SYNE1: variants seen among roughly 807,000 people sequenced by gnomAD.
The protein encoded by SYNE1 is nesprin-1.
Under a neutral mutation model 1,111.0 loss-of-function variants are expected in SYNE1, and 616 were observed. That is an observed-to-expected ratio of 0.55 (90% confidence interval 0.52 to 0.59). The LOEUF (loss-of-function observed/expected upper bound fraction) is 0.59, where lower values mean the gene tolerates loss of function less well. Ranked by LOEUF, SYNE1 falls within the 20% of genes least tolerant of loss-of-function variation. SYNE1 has a pLI of 0.00. For missense variants in SYNE1, 10,006 were observed against 10,417.0 expected, an observed-to-expected ratio of 0.96 and a Z score of 1.72; for synonymous variants, 3,855 against 3,825.8, an observed-to-expected ratio of 1.01 and a Z score of -0.28.
chr6:152,318,041 C>A, intron 86 of SYNE1, 40 bp downstream of exon 86: 6 of 1,612,810 alleles, frequency 3.7e-6, no homozygotes, highest in Non-Finnish European at 5.1e-6. Context: ...ATGGAAGTTT[C>A]TGCCTTACAC....
chr6:152,407,245 G>T, intron 44 of SYNE1, 49 bp from the exon 45 acceptor site: 1 of 1,576,206 alleles, frequency 6.3e-7, no homozygotes, highest in South Asian at 1.1e-5. Flanking sequence ...GGCGTAAGAT[G>T]ATCATCCCCC....
chr6:152,329,676 T>C, intron 78 of SYNE1, 54 bp downstream of exon 78: 1 of 1,612,882 alleles, frequency 6.2e-7, no homozygotes, highest in South Asian at 1.1e-5. Context: ...TTCTTGTACC[T>C]GTTTACAAAT....
rs977660110 is a variant in SYNE1 at position 152,180,060 on chromosome 6, G to T, written c.23460+76C>A. The T allele has an allele frequency of 4.0e-6, 6 of 1,499,904 alleles. No individual in the cohort carries two copies. In the Admixed American group the frequency reaches 8.4e-5, roughly 21 times the overall value. 92.9% of individuals were successfully genotyped at this position (1,499,904 alleles called of 1,614,324 possible). A position where few individuals can be genotyped will look rare whatever the true frequency, so the allele number is the denominator to read the frequency against. On this transcript the variant is annotated intron_variant, in intron 129 of 145. Coordinates refer to ENST00000367255, the MANE Select transcript of SYNE1 (RefSeq NM_182961.4). Reference sequence around the variant, plus strand: ...TGACAGGAAAGTAATTGTGAGTAAAGCCACCTTCTGTACCTGTGAAAAGTA... The same window carrying T: ...TGACAGGAAAGTAATTGTGAGTAAATCCACCTTCTGTACCTGTGAAAAGTA...
At chr6:152,227,548 G>T (rs1248612119) in intron 115 of SYNE1, among the ~76,000 whole-genome samples, 1 of 152,094 alleles carries the variant, frequency 6.6e-6, no homozygotes, top group African/African-American at 2.4e-5. Context: ...TATAGTGATT[G>T]CTGGGGTTAC....
At chr6:152,634,240 C>T (rs564832018) in intron 2 of SYNE1, among the ~76,000 whole-genome samples, 1 of 152,242 alleles carries the variant, frequency 6.6e-6, no homozygotes, top group African/African-American at 2.4e-5. Flanking sequence ...CAACGTGGCT[C>T]ATTTCTAACC....
intron 3 of SYNE1, among the ~76,000 whole-genome samples, chr6:152,626,156 T>C (rs1259815835): frequency 6.6e-6 from 1 of 152,184 alleles, no homozygotes; most frequent in African/African-American, 2.4e-5. Flanking sequence ...CCTAACCCAA[T>C]TATCTTAATA....
At chr6:152,587,688 G>C (rs1355274461) in intron 3 of SYNE1, among the ~76,000 whole-genome samples, 1 of 152,128 alleles carries the variant, frequency 6.6e-6, no homozygotes, top group Admixed American at 6.5e-5. Flanking sequence ...AGGGTCTGCT[G>C]TGGCAATATT....
intron 120 of SYNE1, 141 bp from the exon 121 acceptor site, chr6:152,218,544 A>T: frequency 6.3e-6 from 6 of 952,502 alleles, no homozygotes; most frequent in Non-Finnish European, 9.5e-6. Context: ...AGACGTTCCT[A>T]TAAAAAAAGC....
chr6:152,140,975 C>A (rs1026930928), intron 139 of SYNE1, among the ~76,000 whole-genome samples: 2 of 152,154 alleles, frequency 1.3e-5, no homozygotes, highest in Non-Finnish European at 2.9e-5. Context: ...GCGGAACTTG[C>A]AGTGAGCCGA....
intron 27 of SYNE1, among the ~76,000 whole-genome samples, chr6:152,450,068 G>T (rs1292804638): frequency 6.6e-6 from 1 of 152,176 alleles, no homozygotes; most frequent in Non-Finnish European, 1.5e-5. Flanking sequence ...ATCCCCACAT[G>T]TCATGAGAGG....
chr6:152,365,764 G>C lies in SYNE1; in HGVS notation c.9973-745C>G, dbSNP rs917320144. 2.6e-5 allele frequency among the ~76,000 whole-genome samples: 4 copies of C among 151,972 alleles called. No homozygotes were observed. In the South Asian group the frequency reaches 8.3e-4, roughly 32 times the overall value. On this transcript the variant is annotated intron_variant, in intron 62 of 145. Transcript: ENST00000367255. ...TGTAAGCCACTGCGCCCGGCCAGAA[G>C]GAAGTTTTAATTCCAAGTTATAAAA...
rs1020790382 is a variant in SYNE1, at chr6:152,391,357, C to T, written c.7924G>A (p.Ala2642Thr). Residue 2642 changes from alanine (A) to threonine (T), a missense_variant, in exon 52 of 146, where the codon GCC becomes ACC. Around this residue, in one of 7 missense-constraint regions of SYNE1, gnomAD observed 4,955 missense variants for 5,017.2 expected, o/e 0.99. Transcript: ENST00000367255. The part of the protein sequence containing the change: ...ALQSMWFWVK[A>T]IQDRLACAES... ...GCACAGGCCAGTCTGTCCTGAATGG[C>T]CTTCACCCAGAACCACATGCTTTGC... The T allele has an allele frequency of 6.2e-7, 1 of 1,614,044 alleles. No homozygotes were observed.
intron 3 of SYNE1, among the ~76,000 whole-genome samples, chr6:152,595,010 T>G (rs1223457441): frequency 6.6e-6 from 1 of 152,216 alleles, no homozygotes; most frequent in Non-Finnish European, 1.5e-5. Context: ...CCCTCATTCT[T>G]AAAACTCCAA....
rs138954151 is a variant in SYNE1 at position 152,449,424 on chromosome 6, G to T, written c.3504+109C>A. The T allele has an allele frequency of 1.2e-4, 104 of 859,916 alleles. No individual in the cohort carries two copies. The East Asian group carries it at 2.4e-3, about 20-fold the overall frequency. The allele number at this position is 859,916 out of a possible 1,614,324, so 53.3% of individuals were successfully genotyped here. On this transcript the variant is annotated intron_variant, in intron 28 of 145. Transcript: ENST00000367255. ...GACTTATTTTAAAGACAATTTTCAA[G>T]AACTTATTTTTTTTCCAGAAAGAAA...
At position 152,233,931 on chromosome 6, in the gene SYNE1, G is replaced by C; in HGVS notation, c.20562C>G (p.Ser6854=). ...CAGTACTCAGAACAGATGATTTCAG[G>C]GAAGATTGGGCATCCACTTCTTTAG... ...EFSKEVDAQS[S]LKSSVLSTGN... The change falls in exon 112 of 146, where the codon TCC becomes TCG. Residue 6854 remains serine (S), a synonymous_variant. Transcript: ENST00000367255. 6.2e-7 allele frequency: 1 copy of C among 1,614,136 alleles called. No individual in the cohort carries two copies. The highest frequency in any genetic ancestry group is 8.5e-7 in the Non-Finnish European group (1 of 1,180,028).
chr6:152,256,365 G>T (rs1486567557), intron 102 of SYNE1, among the ~76,000 whole-genome samples: 1 of 152,048 alleles, frequency 6.6e-6, no homozygotes, highest in South Asian at 2.1e-4. Flanking sequence ...AGGAGGCGGA[G>T]GTTGCAATGA....
intron 66 of SYNE1, among the ~76,000 whole-genome samples, chr6:152,357,785 A>G (rs1487834151): frequency 6.6e-6 from 1 of 152,190 alleles, no homozygotes; most frequent in Non-Finnish European, 1.5e-5. Flanking sequence ...GTATCCAGTA[A>G]ATACTGAATG....
chr6:152,173,340 G>A (rs2065657828), intron 130 of SYNE1, among the ~76,000 whole-genome samples: 1 of 152,090 alleles, frequency 6.6e-6, no homozygotes, highest in Non-Finnish European at 1.5e-5. Flanking sequence ...TATTAGCTGA[G>A]ATGTTCACCT....
chr6:152,436,076 A>T lies in SYNE1; in HGVS notation c.4175T>A (p.Ile1392Asn). The change falls in exon 33 of 146, where the codon ATT becomes AAT. Residue 1392 changes from isoleucine to asparagine, a missense_variant. This residue lies in a region of SYNE1 where 1,971 missense variants were observed against 2,084.1 expected (regional missense o/e 0.95). Coordinates refer to ENST00000367255, the MANE Select transcript of SYNE1 (RefSeq NM_182961.4). ...TACAAGGTTCTCAGCCTGGACTGCA[A>T]TACTTTCTGTCCGTTTAGAAAACTC... ...TKEFSKRTES[I>N]AVQAENLVKE... The T allele has an allele frequency of 6.2e-7, 1 of 1,614,020 alleles. No individual in the cohort carries two copies. Among genetic ancestry groups the T allele is most frequent in the South Asian group, 1.1e-5 (1 of 91,052 alleles).
Sources: gnomAD v4.1 joint callset for allele counts (sites outside exome capture counted in the v4.1 genomes callset) on GRCh38, gnomAD v4.1.1 for gene constraint, gnomAD v4.1.1 regional missense constraint, MANE v1.5 for transcripts, NCBI Gene and HGNC (gene_info 2026-07-23, HGNC 2026-07-21) for gene names.